The following SERPINB12 variants were observed in gnomAD, a reference collection of about 807,000 sequenced individuals.
The protein encoded by SERPINB12 is serpin B12.
In SERPINB12, 57 loss-of-function variants were observed where a neutral mutation model predicts 41.1. That is an observed-to-expected ratio of 1.39 (90% CI 1.12 to 1.73). The LOEUF (loss-of-function observed/expected upper bound fraction) is 1.73, where lower values mean the gene tolerates loss of function less well. SERPINB12 is among the 40% of genes most tolerant of loss of function. The pLI, the probability that SERPINB12 is intolerant of heterozygous loss-of-function variation, is 0.00. For missense variants in SERPINB12, 536 were observed against 501.9 expected (o/e 1.07, Z -0.65); for synonymous variants, 180 against 181.3 (o/e 0.99, Z 0.06).
the SERPINB12 span, among the ~76,000 whole-genome samples, chr18:63,536,924 G>A: frequency 6.6e-6 from 1 of 151,994 alleles, no homozygotes; most frequent in Non-Finnish European, 1.5e-5. Flanking sequence ...AATATTGGCT[G>A]GGTATTTAGG....
the SERPINB12 span, among the ~76,000 whole-genome samples, chr18:63,519,149 A>C: frequency 6.6e-5 from 10 of 152,288 alleles, no homozygotes; most frequent in Admixed American, 5.9e-4. Context: ...GGCACTGCCC[A>C]AAAGCACTTC....
upstream of SERPINB12, among the ~76,000 whole-genome samples, chr18:63,537,956 T>C (rs902640401): frequency 1.3e-5 from 2 of 152,110 alleles, no homozygotes; most frequent in African/African-American, 2.4e-5. Flanking sequence ...TTTTCTAATA[T>C]ATAGGAGAAA....
the SERPINB12 span, among the ~76,000 whole-genome samples, chr18:63,526,502 A>G: frequency 6.6e-6 from 1 of 152,178 alleles, no homozygotes; most frequent in African/African-American, 2.4e-5. Flanking sequence ...AATTTTAGTC[A>G]TAAGACAGTA....
At chr18:63,526,668 A>G in the SERPINB12 span, among the ~76,000 whole-genome samples, 590 of 152,346 alleles carry the variant, frequency 3.9e-3, 4 homozygotes, top group Non-Finnish European at 4.2e-3. Context: ...CATACTTGGG[A>G]TAAAACAGTT....
At chr18:63,537,593 C>A (rs1348482868), upstream of SERPINB12, among the ~76,000 whole-genome samples, 1 of 152,060 alleles carries the variant, frequency 6.6e-6, no homozygotes, top group African/African-American at 2.4e-5. Flanking sequence ...TTCTTTCATG[C>A]CCAATAAATT....
the SERPINB12 span, among the ~76,000 whole-genome samples, chr18:63,530,865 G>A: frequency 9.9e-5 from 15 of 152,234 alleles, no homozygotes; most frequent in East Asian, 1.9e-4. Context: ...TAACCAAGGC[G>A]GCCGACTTTG....
Position 63,568,046 on chromosome 18 carries a change from A to C in SERPINB12, c.*1035A>C, listed in dbSNP as rs369111652. On this transcript the variant is annotated 3_prime_UTR_variant, in exon 8 of 8. Transcript: ENST00000382768. ...TCCGAGAGGTCTCATGCCAGACCAC[A>C]TGGTGACAACAGGCTTGAGCCTGGG... Among the ~76,000 whole-genome samples, 47 of 152,316 alleles carry C rather than the reference A, an allele frequency of 3.1e-4. 3 individuals carry two copies. Among genetic ancestry groups the C allele is most frequent in the East Asian group, 2.3e-3 (12 of 5,172 alleles).
chr18:63,525,448 C>G, the SERPINB12 span, among the ~76,000 whole-genome samples: 9 of 152,074 alleles, frequency 5.9e-5, no homozygotes, highest in Non-Finnish European at 8.8e-5. Flanking sequence ...AACATAGCTT[C>G]TCATACAACA....
Position 63,566,757 on chromosome 18 carries a change from A to G in SERPINB12, c.1024A>G (p.Ile342Val), listed in dbSNP as rs199998260. 76 of 1,614,202 alleles carry G rather than the reference A, an allele frequency of 4.7e-5. No homozygotes were observed. In the Admixed American group the frequency reaches 4.8e-4, roughly 10 times the overall value. ...SILQDMGITD[I>V]FDETRADLTG... The stretch of plus-strand genomic sequence containing the variant: ...TTTACAAGACATGGGCATTACGGAT[A>G]TCTTTGATGAAACGAGGGCTGATCT... The change falls in exon 8 of 8, where the codon ATC (isoleucine) becomes GTC (valine). Residue 342 changes from isoleucine (I) to valine (V), a missense_variant. Physicochemically the swap from Ile to Val is conservative, Grantham distance 29. Coordinates refer to ENST00000382768, the MANE Select transcript of SERPINB12 (RefSeq NM_001307928.2).
At chr18:63,529,659 C>T in the SERPINB12 span, among the ~76,000 whole-genome samples, 1 of 152,154 alleles carries the variant, frequency 6.6e-6, no homozygotes. Context: ...CATAACTTTA[C>T]TGCATAAACT....
chr18:63,530,161 G>A, the SERPINB12 span, among the ~76,000 whole-genome samples: 7 of 152,292 alleles, frequency 4.6e-5, no homozygotes, highest in East Asian at 9.7e-4. Context: ...TTGCTCTTCA[G>A]TGGTAGGGCA....
chr18:63,556,243 A>AT lies in SERPINB12; in HGVS notation c.89dup (p.Ser31LeufsTer17). On this transcript the variant is annotated frameshift_variant, in exon 2 of 8. Transcript: ENST00000382768. LOFTEE classifies it high-confidence loss of function. Reference sequence around the variant, plus strand: ...GCAAAGATGATCGTCATAAAAACATATTTTTCTCTCCCCTGAGCCTCTCAG... The same window carrying AT: ...GCAAAGATGATCGTCATAAAAACATATTTTTTCTCTCCCCTGAGCCTCTCAG... The AT allele has an allele frequency of 3.1e-6, 5 of 1,613,914 alleles. No homozygotes were observed. In the South Asian group the frequency reaches 4.4e-5, roughly 14 times the overall value.
chr18:63,558,229 G>C, intron 2 of SERPINB12, 123 bp from the exon 3 acceptor site: 1 of 1,155,002 alleles, frequency 8.7e-7, no homozygotes, highest in Admixed American at 2.5e-5. Context: ...CCTTTAAACT[G>C]TTGTTGATTG....
chr18:63,550,937 T>C (rs889851904), intron 1 of SERPINB12, among the ~76,000 whole-genome samples: 1 of 152,158 alleles, frequency 6.6e-6, no homozygotes, highest in African/African-American at 2.4e-5. Context: ...AGATTAGTTT[T>C]GCCAGTTTTG....
rs752803746 is a variant in SERPINB12, at chr18:63,556,227, A to G, written c.68A>G (p.Asp23Gly). 1.9e-6 allele frequency: 3 copies of G among 1,613,968 alleles called. No homozygotes were observed. The highest frequency in any genetic ancestry group is 1.3e-5 in the African/African-American group (1 of 74,896). Residue 23 changes from aspartate to glycine, a missense_variant, in exon 2 of 8, where the codon GAT (aspartate) becomes GGT (glycine). Asp to Gly is a moderately conservative substitution (Grantham distance 94, BLOSUM62 -1). Transcript: ENST00000382768. ...FDLFQEIGKD[D>G]RHKNIFFSPL... is the part of the protein sequence containing the mutation. ...CTTTTTCAAGAGATAGGCAAAGATG[A>G]TCGTCATAAAAACATATTTTTCTCT...
At chr18:63,546,041 T>C (rs1281481002) in intron 1 of SERPINB12, among the ~76,000 whole-genome samples, 1 of 152,214 alleles carries the variant, frequency 6.6e-6, no homozygotes, top group Non-Finnish European at 1.5e-5. Context: ...ATTTATACAC[T>C]AGCTACATAA....
chr18:63,561,372 A>C (rs1299850251), intron 5 of SERPINB12, among the ~76,000 whole-genome samples, 170 bp downstream of exon 5: 1 of 152,236 alleles, frequency 6.6e-6, no homozygotes, highest in Non-Finnish European at 1.5e-5. Context: ...AGTCAGAATG[A>C]CTATTATTAA....
At chr18:63,553,960 C>T (rs931081409) in intron 1 of SERPINB12, among the ~76,000 whole-genome samples, 3 of 152,138 alleles carry the variant, frequency 2.0e-5, no homozygotes, top group African/African-American at 7.2e-5. Flanking sequence ...AAAACACCCA[C>T]CAATTAAGGC....
chr18:63,545,660 C>G (rs929785084), intron 1 of SERPINB12, among the ~76,000 whole-genome samples: 1 of 152,096 alleles, frequency 6.6e-6, no homozygotes, highest in African/African-American at 2.4e-5. Context: ...TGAATATTAT[C>G]CCCCAACAGT....
Sources: allele counts gnomAD v4.1 joint callset (sites outside exome capture counted in the v4.1 genomes callset), GRCh38; gene constraint gnomAD v4.1.1; transcripts MANE v1.5; gene names NCBI Gene and HGNC (gene_info 2026-07-23, HGNC 2026-07-21).